SVEP1: variants seen among roughly 807,000 people sequenced by gnomAD.
SVEP1 encodes sushi, von Willebrand factor type A, EGF and pentraxin domain containing 1.
SVEP1 carries 164 observed loss-of-function variants against 367.3 expected under a neutral mutation model. That is an observed-to-expected ratio of 0.45 (90% CI 0.39 to 0.51). SVEP1 has a LOEUF of 0.51. Among genes scored for constraint, SVEP1 ranks in the 20% least tolerant of loss-of-function variants. The pLI is 0.00. For missense variants in SVEP1, 4,117 were observed against 4,425.3 expected, an observed-to-expected ratio of 0.93 and a Z score of 1.98; for synonymous variants, 1,666 against 1,611.6, an observed-to-expected ratio of 1.03 and a Z score of -0.81.
intron 5 of SVEP1, among the ~76,000 whole-genome samples, chr9:110,510,220 A>C (rs1588086329): frequency 1.3e-5 from 2 of 152,274 alleles, no homozygotes; most frequent in African/African-American, 4.8e-5. Flanking sequence ...CTTCTCTTAG[A>C]CCTTCCATGA....
intron 3 of SVEP1, 31 bp downstream of exon 3, chr9:110,546,080 AACAG>A (rs1357298343): frequency 6.5e-7 from 1 of 1,547,742 alleles, no homozygotes; most frequent in African/African-American, 1.4e-5. Context: ...GTTACACAGC[AACAG>A]ACAACTGATA....
intron 37 of SVEP1, among the ~76,000 whole-genome samples, chr9:110,409,795 AAATT>A (rs1445022898): frequency 6.6e-6 from 1 of 152,210 alleles, no homozygotes; most frequent in African/African-American, 2.4e-5. Flanking sequence ...TTAAAACAAA[AAATT>A]AATATTCGTG....
chr9:110,397,917 C>T (rs1223421511), intron 40 of SVEP1, among the ~76,000 whole-genome samples: 7 of 151,612 alleles, frequency 4.6e-5, no homozygotes, highest in African/African-American at 1.7e-4. Context: ...GCCATGCTGC[C>T]CAAGGTAATT....
Position 110,548,457 on chromosome 9 carries a change from C to G in SVEP1, c.787+1392G>C, listed in dbSNP as rs951176843. Among the ~76,000 whole-genome samples, 4 of 152,130 alleles carry G rather than the reference C, an allele frequency of 2.6e-5. No individual in the cohort carries two copies. In the South Asian group the frequency reaches 8.3e-4, roughly 32 times the overall value. ...TTTATATGTATTAACCCATTTAATC[C>G]TTGTAACAATTTTATGAAGTAGGTA... On this transcript the variant is annotated intron_variant, in intron 2 of 47. Transcript: ENST00000374469.
chr9:110,478,494 A>T (rs1829133908), intron 13 of SVEP1, among the ~76,000 whole-genome samples: 1 of 152,182 alleles, frequency 6.6e-6, no homozygotes, highest in Non-Finnish European at 1.5e-5. Context: ...TGTCTGATAG[A>T]CACTGAGTCT....
intron 17 of SVEP1, among the ~76,000 whole-genome samples, chr9:110,467,934 C>A (rs1186206844): frequency 6.6e-6 from 1 of 152,042 alleles, no homozygotes; most frequent in Non-Finnish European, 1.5e-5. Flanking sequence ...CCATATATTC[C>A]CCCCTCCCAC....
chr9:110,472,491 G>C (rs1049108250), intron 14 of SVEP1, among the ~76,000 whole-genome samples, 168 bp from the exon 15 acceptor site: 13 of 152,044 alleles, frequency 8.6e-5, no homozygotes, highest in African/African-American at 3.1e-4. Context: ...TGTAATTTTT[G>C]ATCACTTCAT....
chr9:110,539,220 G>A (rs1387882651), intron 3 of SVEP1, among the ~76,000 whole-genome samples: 2 of 152,042 alleles, frequency 1.3e-5, no homozygotes, highest in Non-Finnish European at 2.9e-5. Flanking sequence ...ACTTATGAAG[G>A]AGGAACAAAG....
At chr9:110,497,732 G>A (rs181708194) in intron 7 of SVEP1, among the ~76,000 whole-genome samples, 50 of 152,328 alleles carry the variant, frequency 3.3e-4, no homozygotes, top group Admixed American at 9.2e-4. Context: ...ACAGATGCAC[G>A]CCAGTTATGG....
chr9:110,431,657 C>T lies in SVEP1; in HGVS notation c.5353+258G>A, dbSNP rs148081759. ...CTCTATTATTCTTGTACTATGTAGA[C>T]GTTTCAACATTGTAGAATCATAGTT... On this transcript the variant is annotated intron_variant, in intron 32 of 47. Transcript: ENST00000374469. Among the ~76,000 whole-genome samples the T allele has an allele frequency of 2.6e-3, 400 of 152,198 alleles. 3 individuals carry two copies. Among genetic ancestry groups the T allele is most frequent in the African/African-American group, 8.8e-3 (365 of 41,542 alleles).
chr9:110,448,597 C>G (rs1828642724), intron 24 of SVEP1, among the ~76,000 whole-genome samples: 1 of 152,220 alleles, frequency 6.6e-6, no homozygotes, highest in African/African-American at 2.4e-5. Context: ...CTATCATATC[C>G]TCATCTATGA....
chr9:110,546,907 G>T (rs1830227848), intron 2 of SVEP1, among the ~76,000 whole-genome samples: 1 of 152,184 alleles, frequency 6.6e-6, no homozygotes, highest in African/African-American at 2.4e-5. Flanking sequence ...GGGTGGGTAA[G>T]GTTGAATATG....
intron 1 of SVEP1, among the ~76,000 whole-genome samples, chr9:110,562,636 A>C (rs556889889): frequency 5.9e-5 from 9 of 152,308 alleles, no homozygotes; most frequent in Admixed American, 3.9e-4. Flanking sequence ...ATCATGCCTG[A>C]AGCATTCTTA....
rs937344356 is a variant in SVEP1 at position 110,407,192 on chromosome 9, G to C, written c.8408C>G (p.Pro2803Arg). 14 of 1,613,834 alleles carry C rather than the reference G, an allele frequency of 8.7e-6. No individual in the cohort carries two copies. The highest frequency in any genetic ancestry group is 1.2e-5 in the Non-Finnish European group (14 of 1,179,902). Residue 2803 changes from proline to arginine, a missense_variant, in exon 38 of 48, where the codon CCC becomes CGC. Coordinates refer to ENST00000374469, the MANE Select transcript of SVEP1 (RefSeq NM_153366.4). ...YLSTLYYECD[P>R]GYVLNGTERR... ...CTCAGTGCCATTCAGCACATATCCGGGGTCACACTCATAGTACAACGTGCT... is the reference window on the plus strand; with the variant it reads ...CTCAGTGCCATTCAGCACATATCCGCGGTCACACTCATAGTACAACGTGCT...
chr9:110,382,599 G>A (rs1421501880), intron 43 of SVEP1, among the ~76,000 whole-genome samples: 3 of 152,068 alleles, frequency 2.0e-5, no homozygotes, highest in African/African-American at 7.2e-5. Context: ...TTCCTGAACT[G>A]GAATGTTGGC....
At chr9:110,433,376 A>C (rs1322241747) in intron 30 of SVEP1, among the ~76,000 whole-genome samples, 5 of 151,662 alleles carry the variant, frequency 3.3e-5, no homozygotes, top group Non-Finnish European at 1.5e-5. Context: ...AAAAAAAAAA[A>C]AAAAAAAAAA....
At chr9:110,549,791 G>A (rs147958420) in intron 2 of SVEP1, 58 bp downstream of exon 2, 1 of 1,587,660 alleles carries the variant, frequency 6.3e-7, no homozygotes, top group African/African-American at 1.3e-5. Context: ...TTCAAGCAGT[G>A]AGAGGCAAGG....
At chr9:110,556,753 T>G (rs900078396) in intron 1 of SVEP1, among the ~76,000 whole-genome samples, 2 of 152,106 alleles carry the variant, frequency 1.3e-5, no homozygotes, top group African/African-American at 4.8e-5. Context: ...CCTCCCAAAG[T>G]GCTGGGATTA....
chr9:110,543,264 T>C (rs920833273), intron 3 of SVEP1, among the ~76,000 whole-genome samples: 1 of 152,112 alleles, frequency 6.6e-6, no homozygotes, highest in Non-Finnish European at 1.5e-5. Flanking sequence ...AAGATGACCA[T>C]ATGAAAATTT....
Sources: gnomAD v4.1 joint callset for allele counts (sites outside exome capture counted in the v4.1 genomes callset) on GRCh38, gnomAD v4.1.1 for gene constraint, MANE v1.5 for transcripts, NCBI Gene and HGNC (gene_info 2026-07-23, HGNC 2026-07-21) for gene names.